The following CNTN5 variants were observed in gnomAD, a reference collection of about 807,000 sequenced individuals.
CNTN5 encodes the protein contactin 5, also known as contactin-5.
In CNTN5, 77 loss-of-function variants were observed where a neutral mutation model predicts 129.1. The observed-to-expected ratio is 0.60, with a 90% CI of 0.50 to 0.72. The LOEUF (loss-of-function observed/expected upper bound fraction) is 0.72. Ranked by LOEUF, CNTN5 falls within the 30% of genes least tolerant of loss-of-function variation. CNTN5 has a pLI of 0.00. For synonymous variants in CNTN5, 509 were observed against 465.6 expected, an observed-to-expected ratio of 1.09 and a Z score of -1.20; for missense variants, 1,478 against 1,328.8, an observed-to-expected ratio of 1.11 and a Z score of -1.75.
At chr11:99,978,474 C>A (rs989198026) in intron 8 of CNTN5, among the ~76,000 whole-genome samples, 1 of 152,190 alleles carries the variant, frequency 6.6e-6, no homozygotes, top group Non-Finnish European at 1.5e-5. Flanking sequence ...TCTGGTCCTG[C>A]AAGTGCTATT....
rs189354420 is a variant in CNTN5, at chr11:100,273,355, G to C, written c.2314+2114G>C. Among the ~76,000 whole-genome samples the C allele has an allele frequency of 2.1e-3, 319 of 152,214 alleles. 1 individual carries two copies. Among genetic ancestry groups the C allele is most frequent in the African/African-American group, 7.3e-3 (302 of 41,524 alleles). On this transcript the variant is annotated intron_variant, in intron 18 of 24. Coordinates refer to ENST00000524871, the MANE Select transcript of CNTN5 (RefSeq NM_014361.4). ...GGCGTGTCTGCTTAGGGGTAGGGGT[G>C]GGGATTTGGGTTTGCTTTCCTTGCC...
chr11:99,953,502 A>T (rs1286345544), intron 7 of CNTN5, among the ~76,000 whole-genome samples: 1 of 152,228 alleles, frequency 6.6e-6, no homozygotes, highest in Admixed American at 6.5e-5. Context: ...GGAAATCCCG[A>T]AGTATCAGAA....
chr11:99,745,264 A>G (rs1944016802), intron 3 of CNTN5, among the ~76,000 whole-genome samples: 1 of 152,188 alleles, frequency 6.6e-6, no homozygotes, highest in Non-Finnish European at 1.5e-5. Flanking sequence ...AAATGCTGGA[A>G]GAAAAAAATA....
chr11:100,211,052 C>G (rs978418801), intron 15 of CNTN5, among the ~76,000 whole-genome samples: 1 of 152,182 alleles, frequency 6.6e-6, no homozygotes, highest in Non-Finnish European at 1.5e-5. Flanking sequence ...AAGCTCGAAT[C>G]AAACCTTTAA....
chr11:99,496,902 G>T (rs1214385489), intron 2 of CNTN5, among the ~76,000 whole-genome samples: 3 of 152,158 alleles, frequency 2.0e-5, no homozygotes, highest in Non-Finnish European at 4.4e-5. Flanking sequence ...ACGAAAAATA[G>T]AGAGAAGCAA....
intron 9 of CNTN5, among the ~76,000 whole-genome samples, chr11:100,049,963 A>AG (rs1942871972): frequency 6.6e-6 from 1 of 152,216 alleles, no homozygotes; most frequent in Admixed American, 6.5e-5. Flanking sequence ...ATCATTAAAA[A>AG]GTCAGGAAAC....
intron 11 of CNTN5, among the ~76,000 whole-genome samples, 191 bp from the exon 12 acceptor site, chr11:100,071,514 A>G (rs143201959): frequency 3.5e-4 from 54 of 152,314 alleles, no homozygotes; most frequent in African/African-American, 9.6e-4. Context: ...TTTTCAACCA[A>G]TAAATAACTA....
intron 2 of CNTN5, among the ~76,000 whole-genome samples, chr11:99,368,929 A>G (rs1285757766): frequency 6.6e-6 from 1 of 152,028 alleles, no homozygotes; most frequent in African/African-American, 2.4e-5. Context: ...ATGTCAGGGA[A>G]GAGGGTGGGG....
intron 2 of CNTN5, among the ~76,000 whole-genome samples, chr11:99,340,520 G>A (rs1022042228): frequency 6.6e-6 from 1 of 152,152 alleles, no homozygotes; most frequent in East Asian, 1.9e-4. Context: ...AAGACTTAAG[G>A]AGGAAATGAA....
chr11:100,278,413 T>A (rs1480387561), intron 18 of CNTN5, among the ~76,000 whole-genome samples: 2 of 152,108 alleles, frequency 1.3e-5, no homozygotes, highest in African/African-American at 4.8e-5. Flanking sequence ...GTATGGACAT[T>A]TTAACAATAT....
rs1402113496 is a variant in CNTN5, at chr11:100,074,297, T to C, written c.1580+3T>C. On this transcript the variant is annotated splice_donor_region_variant and intron_variant, in intron 13 of 24. Coordinates refer to ENST00000524871, the MANE Select transcript of CNTN5 (RefSeq NM_014361.4). The stretch of plus-strand genomic sequence containing the variant: ...AGAGCAGTTAGAGAAAACAAAAGGT[T>C]AGAATCTATTTTATAATTCAAGTTC... 2 of 1,581,528 alleles carry C rather than the reference T, an allele frequency of 1.3e-6. No individual in the cohort carries two copies. Among genetic ancestry groups the C allele is most frequent in the Non-Finnish European group, 1.7e-6 (2 of 1,162,886 alleles).
intron 4 of CNTN5, among the ~76,000 whole-genome samples, chr11:99,837,584 C>T (rs1452432829): frequency 2.0e-5 from 3 of 151,350 alleles, no homozygotes; most frequent in African/African-American, 7.3e-5. Flanking sequence ...AGTCACATGG[C>T]CCCATGTCAA....
chr11:100,276,442 G>A (rs1379140558), intron 18 of CNTN5, among the ~76,000 whole-genome samples: 1 of 150,190 alleles, frequency 6.7e-6, no homozygotes, highest in Non-Finnish European at 1.5e-5. Flanking sequence ...AGATGACTGA[G>A]GCATGAGAAC....
chr11:100,142,721 C>T (rs1358213352), intron 13 of CNTN5, among the ~76,000 whole-genome samples: 1 of 151,998 alleles, frequency 6.6e-6, no homozygotes. Context: ...TCTTGGTTAC[C>T]CTGAACACAT....
chr11:99,998,327 G>A (rs1392149592), intron 8 of CNTN5, among the ~76,000 whole-genome samples: 1 of 150,612 alleles, frequency 6.6e-6, no homozygotes, highest in Non-Finnish European at 1.5e-5. Context: ...CAAAATCAAT[G>A]TACAAAAATC....
At position 99,872,124 on chromosome 11, in the gene CNTN5, C is replaced by G. The variant is rs145191074; in HGVS notation, c.577+26862C>G. On this transcript the variant is annotated intron_variant, in intron 6 of 24. Transcript: ENST00000524871. The stretch of plus-strand genomic sequence containing the variant: ...TCTGCGGGTCACAATAGTAGCAATA[C>G]TTTTGAAATATATCAAACAAAACAT... 2.2e-4 allele frequency among the ~76,000 whole-genome samples: 34 copies of G among 151,998 alleles called. No individual in the cohort carries two copies. The East Asian group carries it at 6.4e-3, about 29-fold the overall frequency.
rs201454119 is a variant in CNTN5 at position 100,193,620 on chromosome 11, T to C, written c.1841T>C (p.Ile614Thr). 3.1e-6 allele frequency: 5 copies of C among 1,612,194 alleles called. No homozygotes were observed. Among genetic ancestry groups the C allele is most frequent in the Non-Finnish European group, 4.2e-6 (5 of 1,178,866 alleles). The part of the protein sequence containing the change: ...TFYWTLKGQP[I>T]DFEEEGGHFE... ...TACTGGACTCTGAAAGGACAGCCTA[T>C]TGATTTCGAGGAAGAGGGTGGACAT... is the stretch of plus-strand genomic sequence containing the variant. The change falls in exon 15 of 25, where the codon ATT (isoleucine) becomes ACT (threonine). Residue 614 changes from isoleucine (I) to threonine (T), a missense_variant. Ile to Thr is a moderately conservative substitution (Grantham distance 89). Transcript: ENST00000524871.
At chr11:99,989,632 A>T (rs1938925605) in intron 8 of CNTN5, among the ~76,000 whole-genome samples, 2 of 152,238 alleles carry the variant, frequency 1.3e-5, no homozygotes, top group Non-Finnish European at 1.5e-5. Context: ...GCATGTAATT[A>T]CAGAGAATTT....
chr11:99,815,857 G>T (rs1258472708), intron 3 of CNTN5, among the ~76,000 whole-genome samples: 2 of 151,942 alleles, frequency 1.3e-5, no homozygotes, highest in African/African-American at 4.8e-5. Context: ...ATCTCTTTTT[G>T]TCTAGGATCC....
Sources: gnomAD v4.1 joint callset for allele counts (sites outside exome capture counted in the v4.1 genomes callset) on GRCh38, gnomAD v4.1.1 for gene constraint, MANE v1.5 for transcripts, NCBI Gene and HGNC (gene_info 2026-07-23, HGNC 2026-07-21) for gene names.